The following CPQ variants were observed in gnomAD, a reference collection of about 807,000 sequenced individuals.
The protein encoded by CPQ is carboxypeptidase Q, also known as Ser-Met dipeptidase.
A neutral mutation model predicts 45.7 loss-of-function variants in CPQ; 37 were observed. The observed-to-expected ratio is 0.81, with a 90% confidence interval of 0.62 to 1.07. CPQ has a LOEUF of 1.07. Ranked by LOEUF, CPQ falls within the 50% of genes least tolerant of loss-of-function variation. The pLI, the probability that CPQ is intolerant of heterozygous loss-of-function variation, is 0.00. For missense variants in CPQ, 537 were observed against 572.9 expected (o/e 0.94, Z 0.64); for synonymous variants, 186 against 205.8 (o/e 0.90, Z 0.82).
chr8:96,730,938 T>C (rs1809906580), intron 1 of CPQ, among the ~76,000 whole-genome samples: 1 of 140,644 alleles, frequency 7.1e-6, no homozygotes, highest in African/African-American at 2.6e-5. Flanking sequence ...CCCCACCCAA[T>C]AAACCTTATG....
At chr8:97,086,415 T>C (rs538785478) in intron 7 of CPQ, among the ~76,000 whole-genome samples, 1 of 152,264 alleles carries the variant, frequency 6.6e-6, no homozygotes, top group South Asian at 2.1e-4. Context: ...CGAATAAGAA[T>C]TGGGGCTAAA....
At chr8:96,706,029 G>GCTTA (rs1809526938) in intron 1 of CPQ, among the ~76,000 whole-genome samples, 1 of 152,110 alleles carries the variant, frequency 6.6e-6, no homozygotes, top group Admixed American at 6.6e-5. Context: ...GCTACTAATA[G>GCTTA]CTTAGCCTGC....
chr8:97,061,202 G>A (rs1053650545), intron 6 of CPQ, among the ~76,000 whole-genome samples: 6 of 152,224 alleles, frequency 3.9e-5, no homozygotes, highest in Admixed American at 2.6e-4. Flanking sequence ...TTGAAAAGAT[G>A]TTTTATTATT....
At chr8:96,880,518 C>CATATATATATATAT (rs200512558) in intron 4 of CPQ, among the ~76,000 whole-genome samples, 1 of 97,340 alleles carries the variant, frequency 1.0e-5, no homozygotes, top group African/African-American at 4.1e-5. Flanking sequence ...AATATATGGT[C>CATATATATATATAT]ATATATATAT....
chr8:96,725,042 A>C (rs1809818376), intron 1 of CPQ, among the ~76,000 whole-genome samples: 1 of 152,202 alleles, frequency 6.6e-6, no homozygotes, highest in African/African-American at 2.4e-5. Context: ...GCAGAGAATG[A>C]AACTGGATCC....
intron 3 of CPQ, among the ~76,000 whole-genome samples, chr8:96,857,825 A>C (rs538339036): frequency 1.3e-5 from 2 of 152,140 alleles, no homozygotes; most frequent in South Asian, 4.1e-4. Context: ...GGGAAGAGAC[A>C]AGTCATGATA....
chr8:96,744,503 C>A (rs1810148754), intron 1 of CPQ, among the ~76,000 whole-genome samples: 1 of 152,176 alleles, frequency 6.6e-6, no homozygotes, highest in Admixed American at 6.5e-5. Context: ...GCTCCTCCTC[C>A]TAGTTATTCC....
intron 1 of CPQ, among the ~76,000 whole-genome samples, chr8:96,653,259 C>A (rs1266625477): frequency 6.6e-6 from 1 of 152,022 alleles, no homozygotes; most frequent in East Asian, 1.9e-4. Flanking sequence ...TTCATAATAG[C>A]CATTCTAACT....
In CPQ at chr8:97,125,083, G is replaced by A. The variant is rs551659527; in HGVS notation, c.1256-17937G>A. ...AAACAGGACACATGACTACACATAC[G>A]TCATTAAAAGGGCACTAAAGGACTC... On this transcript the variant is annotated intron_variant, in intron 7 of 7. Coordinates refer to ENST00000220763, the MANE Select transcript of CPQ (RefSeq NM_016134.4). Among the ~76,000 whole-genome samples, 302 of 152,152 alleles carry A rather than the reference G, an allele frequency of 2.0e-3. 2 individuals are homozygous for A. The highest frequency in any genetic ancestry group is 5.6e-3 in the Admixed American group (86 of 15,290).
At chr8:96,659,600 A>C (rs961231255) in intron 1 of CPQ, among the ~76,000 whole-genome samples, 7 of 152,030 alleles carry the variant, frequency 4.6e-5, no homozygotes, top group Non-Finnish European at 8.8e-5. Flanking sequence ...CTTCTTTCTG[A>C]TTTCCATTAT....
intron 3 of CPQ, among the ~76,000 whole-genome samples, chr8:96,870,361 T>C (rs968438245): frequency 6.6e-6 from 1 of 152,006 alleles, no homozygotes; most frequent in Non-Finnish European, 1.5e-5. Flanking sequence ...TATCTCAGAA[T>C]TGATATACAG....
At chr8:96,872,731 A>C (rs771531422) in intron 3 of CPQ, among the ~76,000 whole-genome samples, 50 of 152,010 alleles carry the variant, frequency 3.3e-4, no homozygotes, top group Middle Eastern at 3.4e-3. Context: ...CATACGGTAG[A>C]ATTAAATTGG....
chr8:97,039,906 A>T (rs1399499643), intron 6 of CPQ, among the ~76,000 whole-genome samples: 1 of 151,812 alleles, frequency 6.6e-6, no homozygotes, highest in Non-Finnish European at 1.5e-5. Flanking sequence ...GGTTGGTTCC[A>T]AGTCTTTGCT....
At chr8:96,793,934 A>T (rs1477843333) in intron 2 of CPQ, among the ~76,000 whole-genome samples, 2 of 152,226 alleles carry the variant, frequency 1.3e-5, no homozygotes, top group Non-Finnish European at 2.9e-5. Context: ...ATGCCAATGC[A>T]AAATGTGGGT....
At chr8:96,668,356 T>G (rs1808955613) in intron 1 of CPQ, among the ~76,000 whole-genome samples, 1 of 152,262 alleles carries the variant, frequency 6.6e-6, no homozygotes, top group South Asian at 2.1e-4. Context: ...GGTTCTCATC[T>G]TCAATTTGCT....
intron 7 of CPQ, among the ~76,000 whole-genome samples, chr8:97,139,885 T>C (rs1171849472): frequency 6.6e-6 from 1 of 151,816 alleles, no homozygotes; most frequent in African/African-American, 2.4e-5. Flanking sequence ...AAGCATAATA[T>C]AAACTTAGGA....
In CPQ at chr8:96,866,143, C is replaced by A. The variant is rs1195786459; in HGVS notation, c.642-13655C>A. Reference sequence around the variant, plus strand: ...TGAATTGGCTTAATATTTCTAATTGCATGATTAAGTGGCCAGAATCAGTTA... The same window carrying A: ...TGAATTGGCTTAATATTTCTAATTGAATGATTAAGTGGCCAGAATCAGTTA... On this transcript the variant is annotated intron_variant, in intron 3 of 7. Transcript: ENST00000220763. Among the ~76,000 whole-genome samples, 3 of 152,078 alleles carry A rather than the reference C, an allele frequency of 2.0e-5. No individual in the cohort carries two copies. In the South Asian group the frequency reaches 6.2e-4, roughly 31 times the overall value.
At chr8:97,018,627 G>A (rs1477210896) in intron 5 of CPQ, among the ~76,000 whole-genome samples, 1 of 152,116 alleles carries the variant, frequency 6.6e-6, no homozygotes, top group Non-Finnish European at 1.5e-5. Flanking sequence ...AATTGAACAA[G>A]CAAAAGAAAG....
chr8:96,928,489 G>T lies in CPQ; in HGVS notation c.850-37446G>T, dbSNP rs1221435615. 2.0e-5 allele frequency among the ~76,000 whole-genome samples: 3 copies of T among 151,806 alleles called. No individual in the cohort carries two copies. In the East Asian group the frequency reaches 5.8e-4, roughly 29 times the overall value. On this transcript the variant is annotated intron_variant, in intron 4 of 7. Transcript: ENST00000220763. ...GAGACCTTGTGTTTAGCAGCAGATAGGCAGACTTGTGATTTGTGGGCGAAA... is the reference window on the plus strand; with the variant it reads ...GAGACCTTGTGTTTAGCAGCAGATATGCAGACTTGTGATTTGTGGGCGAAA...
Sources: allele counts gnomAD v4.1 joint callset (sites outside exome capture counted in the v4.1 genomes callset), GRCh38; gene constraint gnomAD v4.1.1; transcripts MANE v1.5; gene names NCBI Gene and HGNC (gene_info 2026-07-23, HGNC 2026-07-21).